Variants in SLC14A2 observed in about 807,000 individuals in gnomAD.
SLC14A2 encodes urea transporter 2.
SLC14A2 carries 91 observed loss-of-function variants against 104.6 expected under a neutral mutation model. That is an observed-to-expected ratio of 0.87 (90% CI 0.73 to 1.04). SLC14A2 has a LOEUF of 1.04. SLC14A2 is among the 50% of genes least tolerant of loss of function. The pLI is 0.00. For synonymous variants in SLC14A2, 476 were observed against 466.4 expected (o/e 1.02, Z -0.27); for missense variants, 1,189 against 1,156.0 (o/e 1.03, Z -0.41).
At chr18:45,432,128 G>C (rs1010505260) in intron 1 of SLC14A2, among the ~76,000 whole-genome samples, 4 of 152,060 alleles carry the variant, frequency 2.6e-5, no homozygotes, top group Non-Finnish European at 5.9e-5. Flanking sequence ...TTTTTATTCT[G>C]AGCAGCCATT....
At chr18:45,599,654 G>T (rs893719480) in intron 2 of SLC14A2, among the ~76,000 whole-genome samples, 9 of 152,220 alleles carry the variant, frequency 5.9e-5, no homozygotes, top group African/African-American at 2.2e-4. Flanking sequence ...AGGACACTGA[G>T]CAGTGTCTGA....
intron 2 of SLC14A2, among the ~76,000 whole-genome samples, chr18:45,506,886 C>T (rs2043295144): frequency 6.6e-6 from 1 of 152,220 alleles, no homozygotes. Flanking sequence ...GAACTGGAAT[C>T]TGCCCAGACG....
At chr18:45,493,941 G>T (rs2144736929) in intron 2 of SLC14A2, among the ~76,000 whole-genome samples, 1 of 152,302 alleles carries the variant, frequency 6.6e-6, no homozygotes, top group Non-Finnish European at 1.5e-5. Context: ...GAAACATCAA[G>T]CCACATCCTT....
At chr18:45,211,463 T>G (rs2083960811), upstream of SLC14A2, among the ~76,000 whole-genome samples, 1 of 152,196 alleles carries the variant, frequency 6.6e-6, no homozygotes, top group Non-Finnish European at 1.5e-5. Context: ...AGATGACTTC[T>G]TTAACTTTTA....
At chr18:45,261,275 G>A (rs1022395000) in intron 1 of SLC14A2, among the ~76,000 whole-genome samples, 1 of 150,974 alleles carries the variant, frequency 6.6e-6, no homozygotes, top group Non-Finnish European at 1.5e-5. Context: ...TTGGTTTTTT[G>A]TCCTTGCGAT....
At chr18:45,421,388 T>C (rs1226533421) in intron 1 of SLC14A2, among the ~76,000 whole-genome samples, 3 of 152,104 alleles carry the variant, frequency 2.0e-5, no homozygotes, top group African/African-American at 7.2e-5. Flanking sequence ...AAATTATAAC[T>C]ACAACCAGCA....
rs566498983 is a variant in SLC14A2, at chr18:45,391,724, C to G, written c.-124-91509C>G. Among the ~76,000 whole-genome samples the G allele has an allele frequency of 3.0e-4, 46 of 152,278 alleles. 1 individual carries two copies. The South Asian group carries it at 7.9e-3, about 26-fold the overall frequency. Reference sequence around the variant, plus strand: ...TGTCTTTTGGCTGTATAAATGTCTTCTTTTGAGAAGTGTCTGTTCATATCC... The same window carrying G: ...TGTCTTTTGGCTGTATAAATGTCTTGTTTTGAGAAGTGTCTGTTCATATCC... On this transcript the variant is annotated intron_variant, in intron 1 of 20. Transcript: ENST00000586448.
intron 1 of SLC14A2, among the ~76,000 whole-genome samples, chr18:45,417,762 T>C (rs1043852747): frequency 2.0e-5 from 3 of 152,180 alleles, no homozygotes; most frequent in Non-Finnish European, 2.9e-5. Flanking sequence ...GTGTGACCTC[T>C]CCTGAAGATA....
chr18:45,589,677 G>A (rs1307968878), intron 2 of SLC14A2, among the ~76,000 whole-genome samples: 1 of 152,200 alleles, frequency 6.6e-6, no homozygotes, highest in Non-Finnish European at 1.5e-5. Context: ...GCCTCCAGCT[G>A]CGAGTGTCTG....
At chr18:45,611,682 A>G (rs1194716540), upstream of SLC14A2, among the ~76,000 whole-genome samples, 1 of 152,222 alleles carries the variant, frequency 6.6e-6, no homozygotes, top group Non-Finnish European at 1.5e-5. Flanking sequence ...GGAAGAGTCC[A>G]GGGCCCAACA....
chr18:45,533,160 T>C (rs1343521395), intron 2 of SLC14A2, among the ~76,000 whole-genome samples: 4 of 152,210 alleles, frequency 2.6e-5, no homozygotes, highest in African/African-American at 9.7e-5. Flanking sequence ...TAAAATTCTC[T>C]TTTTTGGTTG....
chr18:45,476,285 T>C (rs1598882499), intron 1 of SLC14A2, among the ~76,000 whole-genome samples: 1 of 152,160 alleles, frequency 6.6e-6, no homozygotes, highest in East Asian at 1.9e-4. Flanking sequence ...AACTCTTTGT[T>C]TTAAGAATTT....
intron 1 of SLC14A2, among the ~76,000 whole-genome samples, chr18:45,258,554 C>T (rs2084503601): frequency 7.0e-6 from 1 of 143,350 alleles, no homozygotes; most frequent in Admixed American, 6.8e-5. Context: ...CTTTTGTCTT[C>T]TCAACTGAAC....
At chr18:45,170,025 C>T in the SLC14A2 span, among the ~76,000 whole-genome samples, 16 of 152,210 alleles carry the variant, frequency 1.1e-4, 1 homozygote, top group Middle Eastern at 0.02. Flanking sequence ...TTTCTGGCTG[C>T]AATGATGAGT....
At chr18:45,620,954 C>T (rs1446655052) in intron 1 of SLC14A2, among the ~76,000 whole-genome samples, 1 of 152,132 alleles carries the variant, frequency 6.6e-6, no homozygotes, top group African/African-American at 2.4e-5. Context: ...TTATCATTAC[C>T]ACTTTTCAGC....
intron 5 of SLC14A2, among the ~76,000 whole-genome samples, chr18:45,632,933 TC>T (rs2045369131): frequency 6.6e-6 from 1 of 152,186 alleles, no homozygotes; most frequent in Non-Finnish European, 1.5e-5. Context: ...TGCCTCGGCC[TC>T]CCAAAGTGCT....
At chr18:45,650,237 A>C (rs1048688482) in intron 10 of SLC14A2, among the ~76,000 whole-genome samples, 1 of 152,196 alleles carries the variant, frequency 6.6e-6, no homozygotes, top group Non-Finnish European at 1.5e-5. Context: ...TCAATGGATA[A>C]GTTGAATTTT....
At chr18:45,570,087 T>C (rs2044323999) in intron 2 of SLC14A2, among the ~76,000 whole-genome samples, 1 of 152,200 alleles carries the variant, frequency 6.6e-6, no homozygotes, top group Non-Finnish European at 1.5e-5. Flanking sequence ...AGCAAGTGTG[T>C]GGCATTGAGG....
At chr18:45,263,684 G>A (rs75093376) in intron 1 of SLC14A2, among the ~76,000 whole-genome samples, 2,571 of 152,238 alleles carry the variant, frequency 0.017, 69 homozygotes, top group African/African-American at 0.057. Flanking sequence ...ATGTATATCG[G>A]TTTAGACTCA....
Sources: gnomAD v4.1 joint callset for allele counts (sites outside exome capture counted in the v4.1 genomes callset) on GRCh38, gnomAD v4.1.1 for gene constraint, MANE v1.5 for transcripts, NCBI Gene and HGNC (gene_info 2026-07-23, HGNC 2026-07-21) for gene names.